The following GABRG3 variants were observed in gnomAD, a reference collection of about 807,000 sequenced individuals.
The protein encoded by GABRG3 is gamma-aminobutyric acid receptor subunit gamma-3.
A neutral mutation model predicts 48.8 loss-of-function variants in GABRG3; 25 were observed. The observed-to-expected ratio is 0.51, with a 90% CI of 0.37 to 0.72. The LOEUF (loss-of-function observed/expected upper bound fraction) is 0.72. GABRG3 is among the 30% of genes least tolerant of loss of function. GABRG3 has a pLI of 0.00. For missense variants in GABRG3, 394 were observed against 577.9 expected, an observed-to-expected ratio of 0.68 and a Z score of 3.26; for synonymous variants, 227 against 217.6, an observed-to-expected ratio of 1.04 and a Z score of -0.38.
chr15:27,313,309 T>TATATATATAC (rs1566779284), intron 3 of GABRG3, among the ~76,000 whole-genome samples: 6 of 95,458 alleles, frequency 6.3e-5, no homozygotes, highest in African/African-American at 2.5e-4. Context: ...TATATATATA[T>TATATATATAC]ACCCAACATC....
At chr15:27,168,603 G>C (rs1009727549) in intron 3 of GABRG3, among the ~76,000 whole-genome samples, 8 of 152,192 alleles carry the variant, frequency 5.3e-5, no homozygotes, top group African/African-American at 1.9e-4. Context: ...TAGGAGGTGA[G>C]ACCTTTGGGA....
chr15:27,436,439 A>G (rs1888613559), intron 5 of GABRG3, among the ~76,000 whole-genome samples: 1 of 152,218 alleles, frequency 6.6e-6, no homozygotes, highest in Non-Finnish European at 1.5e-5. Flanking sequence ...GGTGTTACAG[A>G]GGAGATGAAT....
chr15:26,986,759 A>G (rs1284961116), intron 2 of GABRG3, among the ~76,000 whole-genome samples: 1 of 152,200 alleles, frequency 6.6e-6, no homozygotes, highest in East Asian at 1.9e-4. Flanking sequence ...TGATTTGAAT[A>G]TTCAGCTCAG....
chr15:27,443,404 C>T (rs150159688), intron 5 of GABRG3, among the ~76,000 whole-genome samples: 2 of 152,292 alleles, frequency 1.3e-5, no homozygotes, highest in East Asian at 1.9e-4. Flanking sequence ...ACAGGTCTTG[C>T]ACCACACATT....
chr15:27,286,573 T>C (rs1891619544), intron 3 of GABRG3, among the ~76,000 whole-genome samples: 1 of 149,032 alleles, frequency 6.7e-6, no homozygotes, highest in South Asian at 2.1e-4. Context: ...TTCCCAATAA[T>C]TAGAGAAATC....
chr15:27,192,786 G>C (rs1476191842), intron 3 of GABRG3, among the ~76,000 whole-genome samples: 1 of 152,188 alleles, frequency 6.6e-6, no homozygotes, highest in African/African-American at 2.4e-5. Context: ...GAGGAGGAGA[G>C]GTGCTCTGCT....
At chr15:27,318,755 G>A (rs1382148845) in intron 3 of GABRG3, among the ~76,000 whole-genome samples, 1 of 152,148 alleles carries the variant, frequency 6.6e-6, no homozygotes, top group Non-Finnish European at 1.5e-5. Context: ...CTAGTACTAA[G>A]GGCAGAGCTC....
chr15:27,176,284 A>G (rs1887743677), intron 3 of GABRG3, among the ~76,000 whole-genome samples: 1 of 152,166 alleles, frequency 6.6e-6, no homozygotes, highest in African/African-American at 2.4e-5. Flanking sequence ...GCTCCCACAA[A>G]GCACTAGTGC....
At chr15:27,147,561 T>C (rs1898232092) in intron 3 of GABRG3, among the ~76,000 whole-genome samples, 2 of 152,006 alleles carry the variant, frequency 1.3e-5, no homozygotes, top group Non-Finnish European at 1.5e-5. Context: ...GGGGACACAA[T>C]TGTGTATTAT....
At chr15:27,096,242 C>A (rs1897263918) in intron 3 of GABRG3, among the ~76,000 whole-genome samples, 1 of 152,152 alleles carries the variant, frequency 6.6e-6, no homozygotes, top group East Asian at 1.9e-4. Context: ...TGTAGGGGCT[C>A]CAGGCTCAGC....
At chr15:27,341,093 C>G (rs1356375483) in intron 5 of GABRG3, 3 of 372,164 alleles carry the variant, frequency 8.1e-6, no homozygotes, top group African/African-American at 6.3e-5. Context: ...AGCAACTCTT[C>G]CGAGTATTTA....
At position 27,248,831 on chromosome 15, in the gene GABRG3, G is replaced by GAGAGAGAGAGAA. The variant is rs1555412455; in HGVS notation, c.271-77973_271-77972insGAGAGAAAGAGA. ...AGAGAGAGAGAGAGAGAGAGAGAGA[G>GAGAGAGAGAGAA]AGAGACAGAGAGAAGCTGCTGTGGC... On this transcript the variant is annotated intron_variant, in intron 3 of 9. Coordinates refer to ENST00000615808, the MANE Select transcript of GABRG3 (RefSeq NM_033223.5). 1.5e-3 allele frequency among the ~76,000 whole-genome samples: 196 copies of GAGAGAGAGAGAA among 128,986 alleles called. 2 individuals carry two copies. The highest frequency in any genetic ancestry group is 5.3e-3 in the African/African-American group (178 of 33,590). 84.6% of individuals were successfully genotyped at this position (128,986 alleles called of 152,430 possible). A position where few individuals can be genotyped will look rare whatever the true frequency, so the allele number is the denominator to read the frequency against.
intron 5 of GABRG3, among the ~76,000 whole-genome samples, chr15:27,387,253 GTT>G (rs57380810): frequency 1.8e-3 from 267 of 148,728 alleles, no homozygotes; most frequent in Middle Eastern, 3.5e-3. Context: ...TGTAATTCAC[GTT>G]TTTTTTTTTA....
intron 3 of GABRG3, among the ~76,000 whole-genome samples, chr15:27,046,110 T>C (rs575429281): frequency 4.6e-5 from 7 of 152,266 alleles, no homozygotes; most frequent in African/African-American, 1.7e-4. Flanking sequence ...TTTATTTTTT[T>C]GAGATGGAGT....
At chr15:27,271,599 GTCA>G (rs1891092836) in intron 3 of GABRG3, 5 of 455,142 alleles carry the variant, frequency 1.1e-5, no homozygotes, top group Admixed American at 2.4e-5. Flanking sequence ...CCTAGAGTCA[GTCA>G]GTCAGTCACA....
chr15:27,240,346 C>T (rs963820637), intron 3 of GABRG3, among the ~76,000 whole-genome samples: 1 of 152,130 alleles, frequency 6.6e-6, no homozygotes, highest in African/African-American at 2.4e-5. Flanking sequence ...GTGCTGGAGG[C>T]TAAGAAGACC....
intron 3 of GABRG3, among the ~76,000 whole-genome samples, chr15:27,132,471 G>GGT (rs778222775): frequency 0.092 from 3,651 of 39,556 alleles, 1,210 homozygotes; most frequent in Non-Finnish European, 0.13. Flanking sequence ...AGTAGTTACA[G>GGT]TTTTTTTTTT....
intron 5 of GABRG3, among the ~76,000 whole-genome samples, chr15:27,389,215 T>C (rs1271615783): frequency 3.9e-5 from 6 of 152,024 alleles, no homozygotes; most frequent in African/African-American, 9.7e-5. Context: ...AAAATACGAA[T>C]GAAAGCAACA....
intron 5 of GABRG3, among the ~76,000 whole-genome samples, chr15:27,460,117 A>C (rs1411510215): frequency 2.0e-5 from 3 of 152,216 alleles, no homozygotes; most frequent in African/African-American, 7.2e-5. Context: ...CCTTTGGATA[A>C]ATTTAAGTAT....
Sources: gnomAD v4.1 joint callset for allele counts (sites outside exome capture counted in the v4.1 genomes callset) on GRCh38, gnomAD v4.1.1 for gene constraint, MANE v1.5 for transcripts, NCBI Gene and HGNC (gene_info 2026-07-23, HGNC 2026-07-21) for gene names.